The following ZDBF2 variants were observed in gnomAD, a reference collection of about 807,000 sequenced individuals.
The protein encoded by ZDBF2 is DBF4-type zinc finger-containing protein 2.
Under a neutral mutation model 9.4 loss-of-function variants are expected in ZDBF2, and 6 were observed. That is an observed-to-expected ratio of 0.64 (90% CI 0.35 to 1.27). The LOEUF is 1.27. ZDBF2 is among the 50% of genes most tolerant of loss of function. The pLI, the probability that ZDBF2 is intolerant of heterozygous loss-of-function variation, is 0.03. For synonymous variants in ZDBF2, 905 were observed against 946.3 expected (o/e 0.96, Z 0.80); for missense variants, 2,697 against 2,766.8 (o/e 0.97, Z 0.57).
rs757698324 is a variant in ZDBF2, at chr2:206,308,912, C to G, written c.4384C>G (p.Leu1462Val). ...AATAAAATGTCATTCTTGTGTTCAT[C>G]TTCAGTCAGAAGTTGACCAACCTCA... The part of the protein sequence containing the change: ...SEIKCHSCVH[L>V]QSEVDQPQVS... Residue 1462 changes from leucine to valine, a missense_variant, in exon 5 of 5, where the codon CTT (leucine) becomes GTT (valine). By Grantham distance (32) the Leu-to-Val change is conservative. Around this residue, in one of 3 missense-constraint regions of ZDBF2, gnomAD observed 1,783 missense variants for 1,776.5 expected, o/e 1.00. Transcript: ENST00000374423. 3 of 1,612,820 alleles carry G rather than the reference C, an allele frequency of 1.9e-6. No homozygotes were observed. Among genetic ancestry groups the G allele is most frequent in the Admixed American group, 3.3e-5 (2 of 59,816 alleles).
Position 206,299,750 on chromosome 2 carries a change from G to A in ZDBF2, c.188+2377G>A, listed in dbSNP as rs564364849. On this transcript the variant is annotated intron_variant, in intron 4 of 4. Transcript: ENST00000374423. ...TGCAGTGTACTTTGACCTCCCCCCC[G>A]CCCGTGAATAGATGCATCCGGCCTG... Among the ~76,000 whole-genome samples the A allele has an allele frequency of 1.8e-4, 27 of 151,774 alleles. No individual in the cohort carries two copies. The South Asian group carries it at 1.9e-3, about 11-fold the overall frequency.
chr2:206,276,287 T>C (rs1181326044), intron 1 of ZDBF2, among the ~76,000 whole-genome samples: 2 of 152,160 alleles, frequency 1.3e-5, no homozygotes, highest in East Asian at 3.8e-4. Flanking sequence ...TTACATGTAA[T>C]GAGAGTATTG....
At position 206,306,475 on chromosome 2, in the gene ZDBF2, G is replaced by A; in HGVS notation, c.1947G>A (p.Leu649=). The change falls in exon 5 of 5, where the codon CTG becomes CTA. Residue 649 remains leucine (L), a synonymous_variant. Coordinates refer to ENST00000374423, the MANE Select transcript of ZDBF2 (RefSeq NM_020923.3). The stretch of plus-strand genomic sequence containing the variant: ...GGGCTGTTGAAAAGATAAATCTTCT[G>A]AAGGAGAAGAATGCTGACCTTATGG... The part of the protein sequence containing the change: ...SQRAVEKINL[L]KEKNADLMDM... 3 of 1,613,820 alleles carry A rather than the reference G, an allele frequency of 1.9e-6. No homozygotes were observed. Among genetic ancestry groups the A allele is most frequent in the Non-Finnish European group, 2.5e-6 (3 of 1,179,792 alleles).
rs77580912 is a variant in ZDBF2, at chr2:206,282,262, C to A, written c.60+353C>A. On this transcript the variant is annotated intron_variant, in intron 3 of 4. Transcript: ENST00000374423. ...TTGAGTTGAGATTTGGAGTTTGGGT[C>A]TCAGGTTTGCATTTATCTGGGGAAA... 6.0e-3 allele frequency among the ~76,000 whole-genome samples: 913 copies of A among 152,046 alleles called. 4 individuals are homozygous for A. Among genetic ancestry groups the A allele is most frequent in the Non-Finnish European group, 0.01 (683 of 68,002 alleles).
At chr2:206,282,521 A>C (rs1319791326) in intron 3 of ZDBF2, among the ~76,000 whole-genome samples, 1 of 152,176 alleles carries the variant, frequency 6.6e-6, no homozygotes, top group Non-Finnish European at 1.5e-5. Flanking sequence ...TATACCCATT[A>C]CCCAAATCGG....
At chr2:206,282,946 G>A (rs991518240) in intron 3 of ZDBF2, among the ~76,000 whole-genome samples, 10 of 152,278 alleles carry the variant, frequency 6.6e-5, no homozygotes, top group African/African-American at 1.4e-4. Context: ...TGGATATTGC[G>A]TGTAAATGGA....
chr2:206,275,152 G>T (rs1459658080), intron 1 of ZDBF2, among the ~76,000 whole-genome samples: 1 of 152,128 alleles, frequency 6.6e-6, no homozygotes, highest in Non-Finnish European at 1.5e-5. Context: ...CTCCGGGCCG[G>T]GATCGAGGTG....
rs746372629 is a variant in ZDBF2, at chr2:206,306,195, C to T, written c.1667C>T (p.Ala556Val). 3 of 1,613,508 alleles carry T rather than the reference C, an allele frequency of 1.9e-6. No individual in the cohort carries two copies. The highest frequency in any genetic ancestry group is 3.3e-4 in the Middle Eastern group (2 of 6,084). ...LQSVVDRPPV[A>V]VTETKLRKKA... ...TCAGTGGTTGACAGACCCCCAGTGG[C>T]TGTCACAGAAACAAAACTTCGGAAG... The change falls in exon 5 of 5, where the codon GCT becomes GTT. Residue 556 changes from alanine to valine, a missense_variant. Ala to Val is a moderately conservative substitution (Grantham distance 64, BLOSUM62 0). Around this residue, in one of 3 missense-constraint regions of ZDBF2, gnomAD observed 910 missense variants for 973.6 expected, o/e 0.93. Coordinates refer to ENST00000374423, the MANE Select transcript of ZDBF2 (RefSeq NM_020923.3).
intron 3 of ZDBF2, among the ~76,000 whole-genome samples, chr2:206,283,940 G>T (rs1691465237): frequency 6.6e-6 from 1 of 152,200 alleles, no homozygotes; most frequent in African/African-American, 2.4e-5. Context: ...TGGGATTACA[G>T]GTGTGAGCCA....
In ZDBF2 at chr2:206,309,317, T is replaced by C. The variant is rs202127995; in HGVS notation, c.4789T>C (p.Cys1597Arg). 4.0e-5 allele frequency: 64 copies of C among 1,612,398 alleles called. No homozygotes were observed. The highest frequency in any genetic ancestry group is 4.9e-5 in the Non-Finnish European group (58 of 1,179,346). The change falls in exon 5 of 5, where the codon TGC (cysteine) becomes CGC (arginine). Residue 1597 changes from cysteine to arginine, a missense_variant. This residue lies in a region of ZDBF2 where 1,783 missense variants were observed against 1,776.5 expected (regional missense o/e 1.00). Coordinates refer to ENST00000374423, the MANE Select transcript of ZDBF2 (RefSeq NM_020923.3). ...CTCTACTCCCTCAATGACAAACCAA[T>C]GCAAAGAGACTTTCAAAATAATAAA... is the stretch of plus-strand genomic sequence containing the variant. ...KASTPSMTNQ[C>R]KETFKIINRK... is the part of the protein sequence containing the mutation.
chr2:206,276,888 C>G (rs1056069280), intron 1 of ZDBF2, among the ~76,000 whole-genome samples: 9 of 152,138 alleles, frequency 5.9e-5, no homozygotes, highest in African/African-American at 1.9e-4. Context: ...CAGAGGAAAG[C>G]CAGCATAGCG....
Position 206,309,714 on chromosome 2 carries a change from G to A in ZDBF2, c.5186G>A (p.Arg1729His), listed in dbSNP as rs115515389. ...CATCGAAGGGCTGATAAAAAAAAAC[G>A]TTCGAAGCTAAAACATAGAGATCTA... ...ALHRRADKKK[R>H]SKLKHRDLEV... is the part of the protein sequence containing the mutation. Residue 1729 changes from arginine to histidine, a missense_variant, in exon 5 of 5, where the codon CGT (arginine) becomes CAT (histidine). Coordinates refer to ENST00000374423, the MANE Select transcript of ZDBF2 (RefSeq NM_020923.3). 5,707 of 1,613,790 alleles carry A rather than the reference G, an allele frequency of 3.5e-3. 153 individuals carry two copies. The African/African-American group carries it at 0.065, about 18-fold the overall frequency.
At chr2:206,276,795 G>T (rs150512251) in intron 1 of ZDBF2, among the ~76,000 whole-genome samples, 2 of 152,186 alleles carry the variant, frequency 1.3e-5, no homozygotes, top group African/African-American at 2.4e-5. Context: ...TTGACAGAGC[G>T]CCTGGCTCAG....
intron 3 of ZDBF2, among the ~76,000 whole-genome samples, chr2:206,290,276 C>G (rs1691820026): frequency 6.6e-6 from 1 of 152,206 alleles, no homozygotes; most frequent in Admixed American, 6.5e-5. Flanking sequence ...AATTTGGAAT[C>G]AGGACATTTG....
rs1691334776 is a variant in ZDBF2 at position 206,281,843 on chromosome 2, A to T, written c.-7A>T. 6.2e-7 allele frequency: 1 copy of T among 1,612,616 alleles called. No individual in the cohort carries two copies. The highest frequency in any genetic ancestry group is 1.1e-5 in the South Asian group (1 of 90,798). ...AGTAGCCATCTGACTTCAGTTATTT[A>T]TTCAAGATGCAGAAAAGACAAGGAT... On this transcript the variant is annotated 5_prime_UTR_variant, in exon 3 of 5. Transcript: ENST00000374423.
Position 206,306,701 on chromosome 2 carries a change from G to A in ZDBF2, c.2173G>A (p.Ala725Thr). ...YHSAHDEPQE[A>T]LDEVNLKELN... ...TTCAGCTCATGATGAGCCTCAAGAA[G>A]CTTTGGATGAAGTAAATCTTAAAGA... The change falls in exon 5 of 5, where the codon GCT becomes ACT. Residue 725 changes from alanine (A) to threonine (T), a missense_variant. Coordinates refer to ENST00000374423, the MANE Select transcript of ZDBF2 (RefSeq NM_020923.3). 2 of 1,613,786 alleles carry A rather than the reference G, an allele frequency of 1.2e-6. No homozygotes were observed. Among genetic ancestry groups the A allele is most frequent in the Non-Finnish European group, 1.7e-6 (2 of 1,179,788 alleles).
chr2:206,305,139 C>G lies in ZDBF2; in HGVS notation c.611C>G (p.Thr204Arg). 1.2e-6 allele frequency: 2 copies of G among 1,613,800 alleles called. No homozygotes were observed. The highest frequency in any genetic ancestry group is 8.5e-7 in the Non-Finnish European group (1 of 1,179,798). Residue 204 changes from threonine (T) to arginine (R), a missense_variant, in exon 5 of 5, where the codon ACA (threonine) becomes AGA (arginine). Transcript: ENST00000374423. ...SSNDRPVTAN[T>R]TSLPPAAHLD... ...AACGATAGACCAGTTACAGCTAATA[C>G]AACTAGTTTACCACCAGCAGCTCAT...
In ZDBF2 at chr2:206,283,882, C is replaced by T. The variant is rs567743412; in HGVS notation, c.60+1973C>T. ...CTCACTATATTTCCCAGGCTGGTCT[C>T]AAACTCCTGGGCCCAAGTGATTCTC... On this transcript the variant is annotated intron_variant, in intron 3 of 4. Transcript: ENST00000374423. 2.6e-5 allele frequency among the ~76,000 whole-genome samples: 4 copies of T among 152,302 alleles called. No homozygotes were observed. In the South Asian group the frequency reaches 8.3e-4, roughly 32 times the overall value.
Position 206,308,591 on chromosome 2 carries a change from G to A in ZDBF2, c.4063G>A (p.Glu1355Lys), listed in dbSNP as rs1490009236. Residue 1355 changes from glutamate (E) to lysine (K), a missense_variant, in exon 5 of 5, where the codon GAA becomes AAA. Coordinates refer to ENST00000374423, the MANE Select transcript of ZDBF2 (RefSeq NM_020923.3). The part of the protein sequence containing the change: ...HILEEEHASL[E>K]DKSSNSYSPE... ...TTTGGAAGAGGAGCATGCCAGTCTG[G>A]AAGATAAGAGCAGTAATTCTTATAG... is the stretch of plus-strand genomic sequence containing the variant. The A allele has an allele frequency of 6.2e-7, 1 of 1,613,476 alleles. No homozygotes were observed.
Sources: gnomAD v4.1 joint callset for allele counts (sites outside exome capture counted in the v4.1 genomes callset) on GRCh38, gnomAD v4.1.1 for gene constraint, gnomAD v4.1.1 regional missense constraint, MANE v1.5 for transcripts, NCBI Gene and HGNC (gene_info 2026-07-23, HGNC 2026-07-21) for gene names.